The following DISP1 variants were observed in gnomAD, a reference collection of about 807,000 sequenced individuals.
DISP1 encodes the protein dispatched RND transporter family member 1.
Under a neutral mutation model 37.3 loss-of-function variants are expected in DISP1, and 30 were observed. That is an observed-to-expected ratio of 0.80 (90% CI 0.60 to 1.09). The LOEUF is 1.09. DISP1 is among the 50% of genes least tolerant of loss of function. The pLI is 0.00. For missense variants in DISP1, 1,598 were observed against 1,879.5 expected, an observed-to-expected ratio of 0.85 and a Z score of 2.77; for synonymous variants, 634 against 690.2, an observed-to-expected ratio of 0.92 and a Z score of 1.28.
At chr1:222,829,742 A>C (rs1283686952) in intron 1 of DISP1, among the ~76,000 whole-genome samples, 1 of 152,168 alleles carries the variant, frequency 6.6e-6, no homozygotes, top group Non-Finnish European at 1.5e-5. Flanking sequence ...GTGCCCAGCC[A>C]AGAAATAGAA....
rs1662967427 is a variant in DISP1 at position 222,821,673 on chromosome 1, C to G, written c.-159+6595C>G. Among the ~76,000 whole-genome samples, 3 of 152,010 alleles carry G rather than the reference C, an allele frequency of 2.0e-5. No homozygotes were observed. The South Asian group carries it at 6.2e-4, about 32-fold the overall frequency. On this transcript the variant is annotated intron_variant, in intron 1 of 8. Coordinates refer to ENST00000675850, the MANE Select transcript of DISP1 (RefSeq NM_001377229.1). ...GGTGGATCACTTGAGGTCAGGAGTT[C>G]AAGACCAGCCTGGCCAACATGGTGA... is the stretch of plus-strand genomic sequence containing the variant.
chr1:222,855,162 T>C (rs1375512780), intron 1 of DISP1, among the ~76,000 whole-genome samples: 2 of 152,236 alleles, frequency 1.3e-5, no homozygotes, highest in Non-Finnish European at 2.9e-5. Context: ...GTACCAACTC[T>C]TGAGGGTTCC....
chr1:222,970,228 CG>C (rs34610583), intron 3 of DISP1, among the ~76,000 whole-genome samples: 1 of 151,446 alleles, frequency 6.6e-6, no homozygotes, highest in Non-Finnish European at 1.5e-5. Flanking sequence ...TGCACCAGCA[CG>C]GATGTGTTAT....
chr1:222,925,238 A>G (rs1259020554), intron 1 of DISP1, among the ~76,000 whole-genome samples: 1 of 152,130 alleles, frequency 6.6e-6, no homozygotes, highest in African/African-American at 2.4e-5. Context: ...ATAAGAATTT[A>G]TAAGTTTCTG....
At chr1:222,913,449 C>A (rs578137678) in intron 1 of DISP1, among the ~76,000 whole-genome samples, 1 of 152,072 alleles carries the variant, frequency 6.6e-6, no homozygotes, top group Non-Finnish European at 1.5e-5. Flanking sequence ...CATAAAATAT[C>A]TAAATTACTT....
At chr1:222,845,761 A>G (rs1337497270) in intron 1 of DISP1, among the ~76,000 whole-genome samples, 2 of 152,186 alleles carry the variant, frequency 1.3e-5, no homozygotes, top group African/African-American at 4.8e-5. Context: ...CTCTATCACA[A>G]GATAATTTAC....
chr1:223,004,861 C>T lies in DISP1; in HGVS notation c.3464C>T (p.Ser1155Phe). The T allele has an allele frequency of 6.2e-7, 1 of 1,609,158 alleles. No individual in the cohort carries two copies. The highest frequency in any genetic ancestry group is 8.5e-7 in the Non-Finnish European group (1 of 1,179,994). The part of the protein sequence containing the change: ...LPKKLQCSAF[S>F]HALSTSPSDK... Reference sequence around the variant, plus strand: ...AAAAAACTACAGTGCAGTGCCTTTTCCCATGCCTTGTCTACAAGTCCCAGT... The same window carrying T: ...AAAAAACTACAGTGCAGTGCCTTTTTCCATGCCTTGTCTACAAGTCCCAGT... Residue 1155 changes from serine (S) to phenylalanine (F), a missense_variant, in exon 9 of 9, where the codon TCC becomes TTC. Transcript: ENST00000675850. This position sits in a 1 kb window ranked among gnomAD's most constrained non-coding sequence, Gnocchi z 4.9.
At chr1:222,840,035 C>G (rs1012325707) in intron 1 of DISP1, among the ~76,000 whole-genome samples, 2 of 152,046 alleles carry the variant, frequency 1.3e-5, no homozygotes, top group African/African-American at 4.8e-5. Context: ...AGGCAAAAAT[C>G]AACTAACAGC....
chr1:222,852,221 C>G (rs557847703), intron 1 of DISP1, among the ~76,000 whole-genome samples: 3 of 147,424 alleles, frequency 2.0e-5, no homozygotes, highest in African/African-American at 7.4e-5. Flanking sequence ...AAAAAAAATT[C>G]CAAATTGACA....
intron 1 of DISP1, among the ~76,000 whole-genome samples, chr1:222,922,293 C>G (rs139801450): frequency 2.0e-5 from 3 of 151,996 alleles, no homozygotes; most frequent in Non-Finnish European, 4.4e-5. Context: ...TATGATGTAT[C>G]GAGAAGCTCT....
At position 222,887,098 on chromosome 1, in the gene DISP1, A is replaced by G. The variant is rs191240113; in HGVS notation, c.-158-41332A>G. Among the ~76,000 whole-genome samples, 38 of 152,358 alleles carry G rather than the reference A, an allele frequency of 2.5e-4. 1 individual carries two copies. In the East Asian group the frequency reaches 6.7e-3, roughly 27 times the overall value. On this transcript the variant is annotated intron_variant, in intron 1 of 8. Coordinates refer to ENST00000675850, the MANE Select transcript of DISP1 (RefSeq NM_001377229.1). ...AAAAAGGATTTCGAATGGGGGAAAA[A>G]TAATCACAGAAGCTGAAGGTTCAGT...
intron 1 of DISP1, among the ~76,000 whole-genome samples, chr1:222,911,047 A>G (rs1407671374): frequency 6.6e-6 from 1 of 152,188 alleles, no homozygotes; most frequent in Admixed American, 6.5e-5. Flanking sequence ...TGAGCAACAT[A>G]TGTATCTTTA....
chr1:223,004,511 ATC>A lies in DISP1; in HGVS notation c.3116_3117del (p.Ser1039CysfsTer108), dbSNP rs1170579038. Reference protein sequence around the residue: ...LLGWELNVLESVTISVAVGLS... With the variant: ...LLGWELNVLEXVTISVAVGLS... ...TGGGCTGGGAGCTCAATGTGTTGGA[ATC>A]TGTCACCATTTCGGTTGCCGTCGGC... On this transcript the variant is annotated frameshift_variant, in exon 9 of 9. Transcript: ENST00000675850. LOFTEE classifies it low-confidence loss of function (END_TRUNC). The surrounding 1 kb of genome is among the most constrained non-coding windows in gnomAD (Gnocchi z 4.9). The A allele has an allele frequency of 3.7e-6, 6 of 1,614,032 alleles. No homozygotes were observed. Among genetic ancestry groups the A allele is most frequent in the Non-Finnish European group, 5.1e-6 (6 of 1,180,036 alleles).
chr1:222,912,471 C>T (rs1479913463), intron 1 of DISP1, among the ~76,000 whole-genome samples: 1 of 152,176 alleles, frequency 6.6e-6, no homozygotes, highest in Non-Finnish European at 1.5e-5. Context: ...ATGTTCTTCC[C>T]ACTATTTGAT....
At chr1:222,991,032 A>T (rs1294793415) in intron 5 of DISP1, among the ~76,000 whole-genome samples, 1 of 152,210 alleles carries the variant, frequency 6.6e-6, no homozygotes, top group East Asian at 1.9e-4. Context: ...AATTATTCTC[A>T]TAAAGTCTTT....
intron 1 of DISP1, among the ~76,000 whole-genome samples, chr1:222,874,748 C>T (rs987336148): frequency 3.3e-5 from 5 of 152,110 alleles, no homozygotes; most frequent in Admixed American, 3.3e-4. Context: ...TGAAGCCTTC[C>T]TCTCTCAACT....
intron 1 of DISP1, among the ~76,000 whole-genome samples, chr1:222,838,566 A>G (rs936443431): frequency 1.3e-5 from 2 of 152,142 alleles, no homozygotes; most frequent in African/African-American, 4.8e-5. Flanking sequence ...GCCAGAAGTT[A>G]AAAGACTAGC....
At chr1:222,966,663 A>G (rs753421366) in intron 3 of DISP1, among the ~76,000 whole-genome samples, 3 of 152,156 alleles carry the variant, frequency 2.0e-5, no homozygotes, top group Non-Finnish European at 4.4e-5. Context: ...GGGACAGGGT[A>G]TGATTATTGA....
intron 1 of DISP1, among the ~76,000 whole-genome samples, chr1:222,863,996 A>T (rs888292870): frequency 6.6e-6 from 1 of 152,210 alleles, no homozygotes; most frequent in African/African-American, 2.4e-5. Flanking sequence ...CCAAGATTTA[A>T]GTGCTGAGTG....
Sources: allele counts gnomAD v4.1 joint callset (sites outside exome capture counted in the v4.1 genomes callset), GRCh38; gene constraint gnomAD v4.1.1; non-coding constraint Gnocchi (gnomAD v3.1); transcripts MANE v1.5; gene names NCBI Gene and HGNC (gene_info 2026-07-23, HGNC 2026-07-21).